PHKB: variants seen among roughly 807,000 people sequenced by gnomAD.
PHKB encodes phosphorylase b kinase regulatory subunit beta.
A neutral mutation model predicts 152.1 loss-of-function variants in PHKB; 122 were observed. The observed-to-expected ratio is 0.80, with a 90% CI of 0.69 to 0.93. PHKB has a LOEUF of 0.93. PHKB is among the 40% of genes least tolerant of loss of function. The pLI, the probability that PHKB is intolerant of heterozygous loss-of-function variation, is 0.00. For missense variants in PHKB, 1,304 were observed against 1,328.4 expected, an observed-to-expected ratio of 0.98 and a Z score of 0.29; for synonymous variants, 436 against 464.9, an observed-to-expected ratio of 0.94 and a Z score of 0.80.
chr16:47,485,124 T>C lies in PHKB; in HGVS notation c.77-12275T>C, dbSNP rs79022141. On this transcript the variant is annotated intron_variant, in intron 1 of 30. Coordinates refer to ENST00000323584, the MANE Select transcript of PHKB (RefSeq NM_000293.3). The stretch of plus-strand genomic sequence containing the variant: ...CACTGTATTTAGTCTTTCATAATCA[T>C]ATAGAACTACCTTATTCCTTAAACT... 1.8e-3 allele frequency among the ~76,000 whole-genome samples: 270 copies of C among 152,342 alleles called. 3 individuals are homozygous for C. In the East Asian group the frequency reaches 0.043, roughly 24 times the overall value.
intron 1 of PHKB, among the ~76,000 whole-genome samples, chr16:47,473,567 T>TA (rs1567270718): frequency 6.6e-6 from 1 of 152,124 alleles, no homozygotes; most frequent in Non-Finnish European, 1.5e-5. Flanking sequence ...ATTAGTCCAT[T>TA]AAAAAAGAAT....
intron 6 of PHKB, among the ~76,000 whole-genome samples, chr16:47,537,399 A>T (rs115522324): frequency 0.02 from 3,091 of 152,358 alleles, 104 homozygotes; most frequent in African/African-American, 0.07. Flanking sequence ...TCCTTATAGG[A>T]TTAAAGTAGA....
chr16:47,669,479 G>C (rs974442529), intron 26 of PHKB, 62 bp downstream of exon 26: 1 of 1,454,560 alleles, frequency 6.9e-7, no homozygotes, highest in Non-Finnish European at 9.7e-7. Flanking sequence ...TAACAGACCC[G>C]GCCTCTCCAA....
In PHKB at chr16:47,648,660, A is replaced by G. The variant is rs1973178750; in HGVS notation, c.1692+44A>G. 2.5e-6 allele frequency: 3 copies of G among 1,219,492 alleles called. No homozygotes were observed. In the East Asian group the frequency reaches 7.0e-5, roughly 28 times the overall value. The allele number at this position is 1,219,492 out of a possible 1,614,324, so 75.5% of individuals were successfully genotyped here. On this transcript the variant is annotated intron_variant, in intron 17 of 30. Transcript: ENST00000323584. ...CAAAAAGTAGTTTTTGGATTCTAAT[A>G]CCGCATACTGAAATGGTGCTTGACC...
chr16:47,581,151 G>A (rs1971837115), intron 8 of PHKB, among the ~76,000 whole-genome samples: 2 of 151,956 alleles, frequency 1.3e-5, no homozygotes. Context: ...AGGTTACACA[G>A]TTGTGCAAAA....
intron 7 of PHKB, among the ~76,000 whole-genome samples, chr16:47,557,560 A>G (rs1273594077): frequency 1.3e-5 from 2 of 152,246 alleles, no homozygotes; most frequent in Non-Finnish European, 1.5e-5. Flanking sequence ...AACCCCATCA[A>G]AAAGTGGGCA....
intron 7 of PHKB, chr16:47,548,011 T>C (rs1971204112): frequency 5.6e-6 from 1 of 179,452 alleles, no homozygotes; most frequent in Non-Finnish European, 1.2e-5. Context: ...TTAACATTCA[T>C]TGTTACCAGT....
At chr16:47,644,571 A>G (rs1233830086) in intron 16 of PHKB, among the ~76,000 whole-genome samples, 1 of 152,224 alleles carries the variant, frequency 6.6e-6, no homozygotes, top group Non-Finnish European at 1.5e-5. Flanking sequence ...CCAAATCACA[A>G]TCAGTAGATT....
intron 7 of PHKB, among the ~76,000 whole-genome samples, chr16:47,563,624 TAATA>T (rs1971513342): frequency 6.6e-6 from 1 of 152,194 alleles, no homozygotes; most frequent in Non-Finnish European, 1.5e-5. Context: ...CATTCTTTCT[TAATA>T]TTTGAACCCT....
chr16:47,584,852 G>A (rs1421398032), intron 8 of PHKB, among the ~76,000 whole-genome samples: 1 of 152,186 alleles, frequency 6.6e-6, no homozygotes, highest in East Asian at 1.9e-4. Flanking sequence ...CCTTAGCTCA[G>A]GCTCTGAGAA....
chr16:47,701,435 T>C lies in PHKB; in HGVS notation c.*2069T>C, dbSNP rs1974245194. ...TACTCCTGAAAGCATTCAGAATCTG[T>C]GACACGTATTGACTTCATGCTTTGA... On this transcript the variant is annotated 3_prime_UTR_variant, in exon 31 of 31. Transcript: ENST00000323584. The C allele has an allele frequency of 6.6e-6, 1 of 152,250 alleles. No individual in the cohort carries two copies. Among genetic ancestry groups the C allele is most frequent in the Non-Finnish European group, 1.5e-5 (1 of 68,038 alleles). 9.4% of individuals were successfully genotyped at this position (152,250 alleles called of 1,614,324 possible). A position where few individuals can be genotyped will look rare whatever the true frequency, so the allele number is the denominator to read the frequency against.
At chr16:47,532,745 GCTCA>G (rs1970883694) in intron 6 of PHKB, among the ~76,000 whole-genome samples, 2 of 152,262 alleles carry the variant, frequency 1.3e-5, no homozygotes, top group African/African-American at 2.4e-5. Context: ...GTCAGCCCTG[GCTCA>G]GGGAGCTCCC....
intron 1 of PHKB, among the ~76,000 whole-genome samples, chr16:47,468,321 C>T (rs1183743211): frequency 6.6e-6 from 1 of 152,338 alleles, no homozygotes; most frequent in South Asian, 2.1e-4. Flanking sequence ...GCTCATGTCA[C>T]TTTCCTGCTT....
intron 7 of PHKB, among the ~76,000 whole-genome samples, chr16:47,554,240 G>T (rs1473221462): frequency 2.6e-5 from 4 of 152,186 alleles, no homozygotes; most frequent in African/African-American, 9.7e-5. Flanking sequence ...TAGAGAGGCA[G>T]TCTGGCTACA....
rs1404040920 is a variant in PHKB at position 47,566,541 on chromosome 16, AG to A, written c.711-13753del. ...TGGTAAAAGCACTGCACTGATATTT[AG>A]TCCTCTAAAGAATTCTTTAATGTAC... On this transcript the variant is annotated intron_variant, in intron 7 of 30. Transcript: ENST00000323584. 13 of 1,594,494 alleles carry A rather than the reference AG, an allele frequency of 8.2e-6. No individual in the cohort carries two copies. The African/African-American group carries it at 1.5e-4, about 18-fold the overall frequency.
chr16:47,698,900 G>C (rs1020042672), intron 30 of PHKB, among the ~76,000 whole-genome samples: 7 of 152,034 alleles, frequency 4.6e-5, no homozygotes, highest in Non-Finnish European at 7.4e-5. Flanking sequence ...ATTAAATTCT[G>C]GGGACAATAG....
rs764085408 is a variant in PHKB at position 47,641,651 on chromosome 16, G to A, written c.1567G>A (p.Val523Ile). The A allele has an allele frequency of 1.2e-6, 2 of 1,607,534 alleles. No homozygotes were observed. The highest frequency in any genetic ancestry group is 1.7e-5 in the Admixed American group (1 of 60,006). ...TATTCAAACTCAAACTCCTCAACAA[G>A]TAGAACCCATTCAGATATGGCCTCA... Reference protein sequence around the residue: ...YGIQTQTPQQVEPIQIWPQQE... With the variant: ...YGIQTQTPQQIEPIQIWPQQE... Residue 523 changes from valine (V) to isoleucine (I), a missense_variant, in exon 16 of 31, where the codon GTA becomes ATA. Physicochemically the swap from Val to Ile is conservative, Grantham distance 29. Coordinates refer to ENST00000323584, the MANE Select transcript of PHKB (RefSeq NM_000293.3).
intron 7 of PHKB, among the ~76,000 whole-genome samples, chr16:47,567,338 T>A (rs80202242): frequency 0.021 from 3,169 of 152,244 alleles, 110 homozygotes; most frequent in African/African-American, 0.072. Flanking sequence ...GATTTGATTC[T>A]CAGCTTGTTC....
At chr16:47,466,347 G>A (rs118009517) in intron 1 of PHKB, among the ~76,000 whole-genome samples, 1,623 of 152,214 alleles carry the variant, frequency 0.011, 17 homozygotes, top group Non-Finnish European at 0.014. Context: ...GATTGCTTCC[G>A]TTTCTCATGT....
Sources: gnomAD v4.1 joint callset for allele counts (sites outside exome capture counted in the v4.1 genomes callset) on GRCh38, gnomAD v4.1.1 for gene constraint, MANE v1.5 for transcripts, NCBI Gene and HGNC (gene_info 2026-07-23, HGNC 2026-07-21) for gene names.